Variants in NAV1 observed in about 807,000 individuals in gnomAD.
The protein encoded by NAV1 is pore membrane and/or filament interacting like protein 3.
NAV1 carries 18 observed loss-of-function variants against 175.2 expected under a neutral mutation model. The ratio of observed to expected loss-of-function variants is 0.10; its 90% confidence interval spans 0.07 to 0.15. The LOEUF is 0.15. NAV1 is among the 10% of genes least tolerant of loss of function. The pLI is 1.00. For missense variants in NAV1, 1,731 were observed against 2,436.6 expected, an observed-to-expected ratio of 0.71 and a Z score of 6.10; for synonymous variants, 897 against 978.7, an observed-to-expected ratio of 0.92 and a Z score of 1.56.
rs1243529741 is a variant in NAV1 at position 201,811,760 on chromosome 1, A to G, written c.4952+3A>G. ...CTCACCTGCAAGTATCATAAATGGT[A>G]AGTAAGCTGGGATCAAGACAAAATT... On this transcript the variant is annotated splice_donor_region_variant and intron_variant, in intron 25 of 29. Coordinates refer to ENST00000367296, the Ensembl canonical transcript of NAV1. The G allele has an allele frequency of 6.2e-7, 1 of 1,603,518 alleles. No individual in the cohort carries two copies. Among genetic ancestry groups the G allele is most frequent in the African/African-American group, 1.3e-5 (1 of 74,694 alleles).
chr1:201,732,833 G>C (rs1056430735), intron 3 of NAV1, among the ~76,000 whole-genome samples: 1 of 152,220 alleles, frequency 6.6e-6, no homozygotes, highest in African/African-American at 2.4e-5. Flanking sequence ...CACTTTGGGA[G>C]GCCAAGGCGG....
chr1:201,683,871 C>T (rs1400768458), intron 1 of NAV1, among the ~76,000 whole-genome samples: 1 of 149,984 alleles, frequency 6.7e-6, no homozygotes, highest in African/African-American at 2.4e-5. Context: ...GGCTTCACCT[C>T]CTGGAGGGGG....
intron 2 of NAV1, among the ~76,000 whole-genome samples, chr1:201,609,145 G>A (rs557865331): frequency 6.6e-6 from 1 of 152,222 alleles, no homozygotes; most frequent in East Asian, 1.9e-4. Context: ...GCATGTGACT[G>A]CTGGGCCTGC....
intron 1 of NAV1, among the ~76,000 whole-genome samples, chr1:201,683,749 T>G (rs1421797184): frequency 6.6e-6 from 1 of 152,156 alleles, no homozygotes; most frequent in Middle Eastern, 3.2e-3. Flanking sequence ...TAAGGTGGTG[T>G]TCATTGAGTT....
chr1:201,607,115 C>CTT (rs914962230), intron 2 of NAV1, among the ~76,000 whole-genome samples: 57 of 130,286 alleles, frequency 4.4e-4, no homozygotes, highest in South Asian at 1.5e-3. Context: ...TAATTTTTTT[C>CTT]TTTTTTTTTT....
chr1:201,789,919 T>C (rs1677001700), intron 11 of NAV1, 127 bp downstream of exon 15: 1 of 893,068 alleles, frequency 1.1e-6, no homozygotes, highest in Non-Finnish European at 1.8e-6. Flanking sequence ...ACTGTACCCA[T>C]TGGGGTGGGA....
intron 13 of NAV1, chr1:201,793,571 A>G (rs963145734): frequency 3.1e-5 from 16 of 520,614 alleles, no homozygotes; most frequent in South Asian, 4.2e-5. Context: ...CCTACCCTCA[A>G]CCTGGCTTCA....
chr1:201,822,488 A>T (rs1235298674), exon 30 of NAV1: 1 of 152,600 alleles, frequency 6.6e-6, no homozygotes, highest in Admixed American at 6.5e-5. Context: ...GAAAAAGGAG[A>T]GGGGAGAACC....
At chr1:201,670,784 G>A (rs954326997) in intron 1 of NAV1, among the ~76,000 whole-genome samples, 4 of 151,948 alleles carry the variant, frequency 2.6e-5, no homozygotes, top group African/African-American at 9.7e-5. Flanking sequence ...GGTGTTGGTG[G>A]TAGAGATTAT....
At chr1:201,754,940 G>A (rs1674360542) in intron 3 of NAV1, among the ~76,000 whole-genome samples, 1 of 152,146 alleles carries the variant, frequency 6.6e-6, no homozygotes, top group Non-Finnish European at 1.5e-5. Context: ...CAATGTTAAA[G>A]AATATGTCAT....
intron 1 of NAV1, among the ~76,000 whole-genome samples, chr1:201,675,043 A>G (rs1458770565): frequency 6.6e-6 from 1 of 151,840 alleles, no homozygotes; most frequent in Admixed American, 6.6e-5. Flanking sequence ...AAAAAAAAAA[A>G]AAAAAGAACT....
intron 1 of NAV1, among the ~76,000 whole-genome samples, chr1:201,685,890 T>C (rs1670666576): frequency 6.6e-6 from 1 of 152,222 alleles, no homozygotes; most frequent in South Asian, 2.1e-4. Flanking sequence ...TGATACATGA[T>C]GGATACATGG....
At chr1:201,678,720 A>G (rs1670354687) in intron 1 of NAV1, among the ~76,000 whole-genome samples, 2 of 152,100 alleles carry the variant, frequency 1.3e-5, no homozygotes. Flanking sequence ...CTGCAAATTC[A>G]TTGTTTCTTA....
At chr1:201,620,635 G>A (rs1448924238), upstream of NAV1, among the ~76,000 whole-genome samples, 3 of 151,514 alleles carry the variant, frequency 2.0e-5, no homozygotes, top group Non-Finnish European at 4.4e-5. Flanking sequence ...TTTAGTGTGT[G>A]TGTGTGTAAT....
At chr1:201,552,945 T>C (rs1009599321) in intron 1 of NAV1, among the ~76,000 whole-genome samples, 3 of 152,030 alleles carry the variant, frequency 2.0e-5, no homozygotes, top group African/African-American at 7.2e-5. Flanking sequence ...CTCTAAGATA[T>C]ATGGTCCCTC....
intron 1 of NAV1, among the ~76,000 whole-genome samples, chr1:201,688,618 A>G (rs1670776530): frequency 6.6e-6 from 1 of 152,200 alleles, no homozygotes; most frequent in African/African-American, 2.4e-5. Context: ...AGAGGCTCAG[A>G]TATCACACAG....
At chr1:201,806,313 GA>G (rs1376892920) in intron 17 of NAV1, among the ~76,000 whole-genome samples, 5 of 152,078 alleles carry the variant, frequency 3.3e-5, no homozygotes, top group Non-Finnish European at 7.4e-5. Flanking sequence ...CATCTGCACA[GA>G]AAAAGTTGTG....
chr1:201,638,754 A>T (rs879778448), intron 2 of NAV1, among the ~76,000 whole-genome samples: 1 of 151,736 alleles, frequency 6.6e-6, no homozygotes, highest in African/African-American at 2.4e-5. Flanking sequence ...AATGAAGATA[A>T]TGACAGCCCC....
chr1:201,683,045 G>A (rs114769524), intron 1 of NAV1, among the ~76,000 whole-genome samples: 131 of 152,254 alleles, frequency 8.6e-4, no homozygotes, highest in Non-Finnish European at 1.2e-3. Context: ...TTTAGCTCAT[G>A]TTCTTTTTCT....
Sources: allele counts gnomAD v4.1 joint callset (sites outside exome capture counted in the v4.1 genomes callset), GRCh38; gene constraint gnomAD v4.1.1; transcripts MANE v1.5; gene names NCBI Gene and HGNC (gene_info 2026-07-23, HGNC 2026-07-21).